The following PCDHA4 variants were observed in gnomAD, a reference collection of about 807,000 sequenced individuals.
PCDHA4 encodes the protein protocadherin alpha-4.
PCDHA4 carries 49 observed loss-of-function variants against 61.4 expected under a neutral mutation model. That is an observed-to-expected ratio of 0.80 (90% CI 0.63 to 1.01). The LOEUF is 1.01. PCDHA4 is among the 50% of genes least tolerant of loss of function. PCDHA4 has a pLI of 0.00. For missense variants in PCDHA4, 1,254 were observed against 1,235.8 expected (o/e 1.01, Z -0.22); for synonymous variants, 590 against 550.3 (o/e 1.07, Z -1.01).
intron 1 of PCDHA4, among the ~76,000 whole-genome samples, chr5:140,933,279 C>T (rs992723234): frequency 6.6e-6 from 1 of 151,840 alleles, no homozygotes; most frequent in African/African-American, 2.4e-5. Flanking sequence ...TCATTTGGAA[C>T]TTGTTTTGGA....
rs781882644 is a variant in PCDHA4, at chr5:140,809,212, G to T, written c.2025G>T (p.Ala675=). 4 of 1,614,036 alleles carry T rather than the reference G, an allele frequency of 2.5e-6. No homozygotes were observed. The highest frequency in any genetic ancestry group is 1.1e-5 in the South Asian group (1 of 91,084). ...TGTCACTTGTGGAGAGTGGACAGGC[G>T]CCAAAGGCCTCCTCACGGGCGTTGG... ...VLVSLVESGQ[A]PKASSRALVG... The change falls in exon 1 of 4, where the codon GCG becomes GCT. Residue 675 remains alanine (A), a synonymous_variant. Transcript: ENST00000530339.
At chr5:140,827,980 C>G (rs1769474161) in intron 1 of PCDHA4, 2 of 1,413,840 alleles carry the variant, frequency 1.4e-6, no homozygotes, top group Non-Finnish European at 9.6e-7. Context: ...CATTCCCTGA[C>G]TGTTGAATGA....
intron 1 of PCDHA4, chr5:140,865,253 G>T (rs782676084): frequency 6.6e-6 from 1 of 152,152 alleles, no homozygotes; most frequent in Non-Finnish European, 1.5e-5. Context: ...TAGCTGTAAG[G>T]ATGTGTATCA....
chr5:140,901,168 C>G (rs782138220), intron 1 of PCDHA4, among the ~76,000 whole-genome samples: 8 of 152,010 alleles, frequency 5.3e-5, no homozygotes, highest in Non-Finnish European at 8.8e-5. Flanking sequence ...GTTGTCTCTT[C>G]ACTTTGTTGA....
chr5:140,936,200 T>C (rs906256264), intron 1 of PCDHA4, among the ~76,000 whole-genome samples: 4 of 152,322 alleles, frequency 2.6e-5, no homozygotes, highest in African/African-American at 7.2e-5. Context: ...GCCAAAGTTG[T>C]CTTTTTTATT....
chr5:140,941,259 T>G (rs368206632), intron 1 of PCDHA4, among the ~76,000 whole-genome samples: 1 of 121,734 alleles, frequency 8.2e-6, no homozygotes, highest in Non-Finnish European at 1.8e-5. Flanking sequence ...TTCTTTCTCT[T>G]TCTTTCTTTC....
intron 1 of PCDHA4, chr5:140,848,442 T>C: frequency 1.3e-6 from 2 of 1,489,558 alleles, no homozygotes; most frequent in Non-Finnish European, 1.8e-6. Context: ...ATCAGATGAT[T>C]TCTTCTAATT....
chr5:140,989,733 C>T (rs31874), intron 3 of PCDHA4, among the ~76,000 whole-genome samples: 120,660 of 152,102 alleles, frequency 0.79, 48,852 homozygotes, highest in East Asian at 0.98. Context: ...GTTGAAAAGG[C>T]CATTGCCTAA....
At chr5:140,820,308 A>G (rs1455881999) in intron 1 of PCDHA4, among the ~76,000 whole-genome samples, 1 of 152,020 alleles carries the variant, frequency 6.6e-6, no homozygotes, top group Non-Finnish European at 1.5e-5. Flanking sequence ...CTATGACAAT[A>G]TCTTGTTTCT....
chr5:140,815,311 A>G (rs2150039316), intron 1 of PCDHA4: 1 of 152,120 alleles, frequency 6.6e-6, no homozygotes, highest in African/African-American at 2.4e-5. Context: ...TGAGAATTGT[A>G]ATGCTATGTT....
At chr5:140,857,792 C>A (rs368399538) in intron 1 of PCDHA4, 3 of 1,597,430 alleles carry the variant, frequency 1.9e-6, no homozygotes, top group Non-Finnish European at 1.7e-6. Flanking sequence ...GCTGGTGCTG[C>A]GGTCGGTGGT....
chr5:140,960,913 T>C (rs184385777), intron 1 of PCDHA4, among the ~76,000 whole-genome samples: 10 of 152,320 alleles, frequency 6.6e-5, no homozygotes, highest in Admixed American at 2.6e-4. Flanking sequence ...GAGTTTCAGA[T>C]AGAAAATTGG....
intron 2 of PCDHA4, chr5:140,982,242 AAAG>A (rs2096973421): frequency 2.9e-6 from 2 of 701,584 alleles, no homozygotes; most frequent in African/African-American, 3.6e-5. Flanking sequence ...GAATTGCCAT[AAAG>A]ATAGAACATG....
intron 1 of PCDHA4, among the ~76,000 whole-genome samples, chr5:140,879,020 TATTG>T (rs1366518511): frequency 6.6e-6 from 1 of 152,230 alleles, no homozygotes; most frequent in African/African-American, 2.4e-5. Context: ...GATAATGTTT[TATTG>T]AAGAGTGTCT....
chr5:140,944,984 T>A (rs972607288), intron 1 of PCDHA4, among the ~76,000 whole-genome samples: 6 of 152,184 alleles, frequency 3.9e-5, no homozygotes, highest in Non-Finnish European at 8.8e-5. Context: ...GTGGGTCTAC[T>A]TCTGTAACGG....
chr5:140,870,276 C>T (rs1554163984), intron 1 of PCDHA4: 3 of 1,614,170 alleles, frequency 1.9e-6, no homozygotes, highest in South Asian at 1.1e-5. Context: ...TGACGCCCCA[C>T]GTTCCCTTCA....
intron 3 of PCDHA4, among the ~76,000 whole-genome samples, chr5:141,007,925 G>T (rs2098351885): frequency 1.3e-5 from 2 of 152,138 alleles, no homozygotes; most frequent in South Asian, 4.2e-4. Context: ...ATATAAGCTG[G>T]AATTCTAAGC....
At chr5:140,870,452 A>G in intron 1 of PCDHA4, 1 of 1,614,168 alleles carries the variant, frequency 6.2e-7, no homozygotes, top group Non-Finnish European at 8.5e-7. Context: ...GTGAACGACA[A>G]TGCGCCTGCG....
chr5:141,002,146 CT>C (rs2098061512), intron 3 of PCDHA4, among the ~76,000 whole-genome samples: 1 of 152,250 alleles, frequency 6.6e-6, no homozygotes, highest in Admixed American at 6.5e-5. Flanking sequence ...GCTGCACTGA[CT>C]TAGCAGAGTG....
Sources: gnomAD v4.1 joint callset for allele counts (sites outside exome capture counted in the v4.1 genomes callset) on GRCh38, gnomAD v4.1.1 for gene constraint, MANE v1.5 for transcripts, NCBI Gene and HGNC (gene_info 2026-07-23, HGNC 2026-07-21) for gene names.